ARHGEF10L: variants seen among roughly 807,000 people sequenced by gnomAD.
ARHGEF10L encodes the protein Rho guanine nucleotide exchange factor 10 like, also known as rho guanine nucleotide exchange factor 10-like protein.
Under a neutral mutation model 141.2 loss-of-function variants are expected in ARHGEF10L, and 69 were observed. That is an observed-to-expected ratio of 0.49 (90% confidence interval 0.40 to 0.60). The LOEUF (loss-of-function observed/expected upper bound fraction) is 0.60. Ranked by LOEUF, ARHGEF10L falls within the 20% of genes least tolerant of loss-of-function variation. ARHGEF10L has a pLI of 0.00. For synonymous variants in ARHGEF10L, 711 were observed against 718.5 expected, an observed-to-expected ratio of 0.99 and a Z score of 0.17; for missense variants, 1,482 against 1,734.3, an observed-to-expected ratio of 0.85 and a Z score of 2.58.
intron 26 of ARHGEF10L, among the ~76,000 whole-genome samples, chr1:17,680,121 C>G (rs2064002543): frequency 6.6e-6 from 1 of 152,122 alleles, no homozygotes; most frequent in Non-Finnish European, 1.5e-5. Flanking sequence ...ATCTGGGCCA[C>G]CCGGGGTTGG....
chr1:17,529,617 A>G, the ARHGEF10L span, among the ~76,000 whole-genome samples: 1 of 152,320 alleles, frequency 6.6e-6, no homozygotes, highest in Middle Eastern at 3.4e-3. Context: ...AAAATGACCC[A>G]TGAATGACAA....
the ARHGEF10L span, among the ~76,000 whole-genome samples, chr1:17,519,446 C>CA: frequency 6.6e-6 from 1 of 151,870 alleles, no homozygotes; most frequent in East Asian, 2.0e-4. Flanking sequence ...CCTGTCTTTA[C>CA]AAAAAATACA....
At chr1:17,686,106 CT>C (rs981055264) in intron 26 of ARHGEF10L, among the ~76,000 whole-genome samples, 28 of 99,332 alleles carry the variant, frequency 2.8e-4, no homozygotes, top group Admixed American at 2.8e-4. Flanking sequence ...TTCTTTCTTT[CT>C]TTTTTTTTTG....
At chr1:17,630,982 C>T (rs1340468665) in intron 15 of ARHGEF10L, among the ~76,000 whole-genome samples, 5 of 151,262 alleles carry the variant, frequency 3.3e-5, no homozygotes, top group South Asian at 2.1e-4. Context: ...TGGGGATGCT[C>T]GGGGTGATCT....
intron 2 of ARHGEF10L, 133 bp downstream of exon 2, chr1:17,580,765 T>A: frequency 1.1e-5 from 11 of 1,028,554 alleles, no homozygotes; most frequent in Non-Finnish European, 1.5e-5. Context: ...TGGCCCTGCC[T>A]GGGCCGCATC....
chr1:17,658,130 C>T (rs776419445), intron 25 of ARHGEF10L, among the ~76,000 whole-genome samples: 2 of 152,208 alleles, frequency 1.3e-5, no homozygotes, highest in Non-Finnish European at 2.9e-5. Context: ...GGTGTTTTCC[C>T]TGGCTGTGTG....
At chr1:17,667,016 T>C (rs981264369) in intron 26 of ARHGEF10L, among the ~76,000 whole-genome samples, 19 of 152,320 alleles carry the variant, frequency 1.2e-4, no homozygotes, top group African/African-American at 4.6e-4. Context: ...CCCCTTGGCC[T>C]GCCTCTCCCA....
chr1:17,548,088 T>G (rs1047215560), intron 1 of ARHGEF10L, among the ~76,000 whole-genome samples: 1 of 152,130 alleles, frequency 6.6e-6, no homozygotes, highest in Admixed American at 6.5e-5. Flanking sequence ...AAAGGGCAGG[T>G]AGGATGCTCA....
chr1:17,656,253 T>C lies in ARHGEF10L; in HGVS notation c.2705+151T>C. 1.9e-6 allele frequency: 2 copies of C among 1,039,016 alleles called. No individual in the cohort carries two copies. Among genetic ancestry groups the C allele is most frequent in the South Asian group, 1.6e-5 (1 of 62,620 alleles). The allele number at this position is 1,039,016 out of a possible 1,614,324, so 64.4% of individuals were successfully genotyped here. A position where few individuals can be genotyped will look rare whatever the true frequency, so the allele number is the denominator to read the frequency against. ...AGGTGGGCACCAGAGCTGCCCAGTGTGGGAGCCAAAGTGTCGGGAGCGGCC... is the reference window on the plus strand; with the variant it reads ...AGGTGGGCACCAGAGCTGCCCAGTGCGGGAGCCAAAGTGTCGGGAGCGGCC... On this transcript the variant is annotated intron_variant, in intron 24 of 28. Transcript: ENST00000361221. This position sits in a 1 kb window ranked among gnomAD's most constrained non-coding sequence, Gnocchi z 4.9.
rs558852954 is a variant in ARHGEF10L at position 17,585,850 on chromosome 1, C to T, written c.38-1610C>T. On this transcript the variant is annotated intron_variant, in intron 2 of 28. Transcript: ENST00000361221. ...CCATCTAATGTTTATTGAGCATTTG[C>T]CAGGGCTGGGTCCGCAGACCCATGG... Among the ~76,000 whole-genome samples, 18 of 152,290 alleles carry T rather than the reference C, an allele frequency of 1.2e-4. No individual in the cohort carries two copies. In the South Asian group the frequency reaches 3.7e-3, roughly 32 times the overall value.
In ARHGEF10L at chr1:17,656,208, T is replaced by C; in HGVS notation, c.2705+106T>C. ...ATCTGCCTGTTGCCCACCAACATTC[T>C]CTGCCCCTGGTCTCCAGGAAGGTGG... On this transcript the variant is annotated intron_variant, in intron 24 of 28. Coordinates refer to ENST00000361221, the MANE Select transcript of ARHGEF10L (RefSeq NM_018125.4). This position sits in a 1 kb window ranked among gnomAD's most constrained non-coding sequence, Gnocchi z 4.9. The C allele has an allele frequency of 7.6e-7, 1 of 1,308,616 alleles. No homozygotes were observed. The highest frequency in any genetic ancestry group is 1.0e-6 in the Non-Finnish European group (1 of 953,760). The allele number at this position is 1,308,616 out of a possible 1,614,324, so 81.1% of individuals were successfully genotyped here.
intron 26 of ARHGEF10L, among the ~76,000 whole-genome samples, chr1:17,674,595 G>A (rs180883629): frequency 2.9e-4 from 44 of 152,322 alleles, no homozygotes; most frequent in African/African-American, 9.4e-4. Context: ...GGCATTTAGC[G>A]GGAGGGCCCC....
chr1:17,661,202 C>T (rs571184678), intron 25 of ARHGEF10L, among the ~76,000 whole-genome samples: 5 of 152,168 alleles, frequency 3.3e-5, no homozygotes, highest in South Asian at 2.1e-4. Context: ...CTCAGCCTCC[C>T]GAGTAGCTGG....
At chr1:17,516,656 A>G in the ARHGEF10L span, among the ~76,000 whole-genome samples, 1 of 151,848 alleles carries the variant, frequency 6.6e-6, no homozygotes, top group African/African-American at 2.4e-5. Flanking sequence ...AACTGCTGCA[A>G]CCTCCTCCTT....
intron 1 of ARHGEF10L, among the ~76,000 whole-genome samples, chr1:17,551,542 G>A (rs2077112636): frequency 6.6e-6 from 1 of 152,144 alleles, no homozygotes; most frequent in Admixed American, 6.5e-5. Context: ...TTTATCTTGT[G>A]GGCCCTGCGA....
chr1:17,658,768 G>A (rs1316673223), intron 25 of ARHGEF10L, among the ~76,000 whole-genome samples: 1 of 151,562 alleles, frequency 6.6e-6, no homozygotes, highest in Admixed American at 6.6e-5. Context: ...GATGCCGAGG[G>A]CTCCGACGGA....
At chr1:17,577,230 G>T (rs924185969) in intron 1 of ARHGEF10L, among the ~76,000 whole-genome samples, 10 of 151,998 alleles carry the variant, frequency 6.6e-5, no homozygotes, top group Admixed American at 4.6e-4. Context: ...ATTTTTAGTA[G>T]AGATGGGGTT....
chr1:17,641,480 A>C (rs2061325573), intron 21 of ARHGEF10L, among the ~76,000 whole-genome samples: 1 of 151,700 alleles, frequency 6.6e-6, no homozygotes. Context: ...AAATACAAAA[A>C]ATTAGCCTGG....
intron 22 of ARHGEF10L, among the ~76,000 whole-genome samples, chr1:17,649,235 A>G (rs1237750942): frequency 6.6e-6 from 1 of 152,260 alleles, no homozygotes; most frequent in East Asian, 1.9e-4. Context: ...TTTTCCAAAA[A>G]GGACATAGCT....
Sources: allele counts gnomAD v4.1 joint callset (sites outside exome capture counted in the v4.1 genomes callset), GRCh38; gene constraint gnomAD v4.1.1; non-coding constraint Gnocchi (gnomAD v3.1); transcripts MANE v1.5; gene names NCBI Gene and HGNC (gene_info 2026-07-23, HGNC 2026-07-21).